TRAPPC10: variants seen among roughly 807,000 people sequenced by gnomAD.
TRAPPC10 encodes the protein TRAPP 130 kDa subunit.
TRAPPC10 carries 23 observed loss-of-function variants against 125.5 expected under a neutral mutation model. The ratio of observed to expected loss-of-function variants is 0.18; its 90% CI spans 0.13 to 0.26. The LOEUF is 0.26. Ranked by LOEUF, TRAPPC10 falls within the 10% of genes least tolerant of loss-of-function variation. The pLI is 1.00. For synonymous variants in TRAPPC10, 509 were observed against 518.0 expected, an observed-to-expected ratio of 0.98 and a Z score of 0.24; for missense variants, 1,123 against 1,308.4, an observed-to-expected ratio of 0.86 and a Z score of 2.19.
intron 2 of TRAPPC10, 45 bp downstream of exon 2, chr21:44,032,217 T>A: frequency 7.0e-7 from 1 of 1,430,568 alleles, no homozygotes; most frequent in Non-Finnish European, 9.8e-7. Context: ...CTTCATTTTT[T>A]AAAATGAAGT....
chr21:44,069,084 T>C (rs900040599), intron 7 of TRAPPC10, among the ~76,000 whole-genome samples: 2 of 152,138 alleles, frequency 1.3e-5, no homozygotes, highest in Non-Finnish European at 2.9e-5. Context: ...CTTGGGAAAA[T>C]GTCTTTGGGA....
At chr21:44,016,261 C>T (rs1225457086) in intron 1 of TRAPPC10, among the ~76,000 whole-genome samples, 1 of 152,170 alleles carries the variant, frequency 6.6e-6, no homozygotes, top group Non-Finnish European at 1.5e-5. Context: ...GGTCAGTTTT[C>T]TGTTTTGAAA....
In TRAPPC10 at chr21:44,083,161, C is replaced by G. The variant is rs1277873670; in HGVS notation, c.2097C>G (p.Val699=). 1.9e-6 allele frequency: 3 copies of G among 1,614,226 alleles called. No individual in the cohort carries two copies. The Admixed American group carries it at 5.0e-5, about 27-fold the overall frequency. The change falls in exon 14 of 23, where the codon GTC becomes GTG. Residue 699 remains valine, a synonymous_variant. Transcript: ENST00000291574. ...LNTTGIICRN[V]HMLLRRQESS... Reference sequence around the variant, plus strand: ...CGACTGGGATTATCTGCAGAAACGTCCACATGCTCCTGAGAAGGCAGGAGA... The same window carrying G: ...CGACTGGGATTATCTGCAGAAACGTGCACATGCTCCTGAGAAGGCAGGAGA...
chr21:44,032,031 G>T, intron 1 of TRAPPC10, 60 bp from the exon 2 acceptor site: 1 of 1,370,128 alleles, frequency 7.3e-7, no homozygotes, highest in East Asian at 2.3e-5. Flanking sequence ...AAGCTCTAGA[G>T]CCATTTTGCA....
chr21:44,086,046 A>C (rs954702144), intron 15 of TRAPPC10, among the ~76,000 whole-genome samples: 2 of 152,232 alleles, frequency 1.3e-5, no homozygotes, highest in Non-Finnish European at 2.9e-5. Flanking sequence ...CACAGCAGTC[A>C]GTCTCTCCAG....
chr21:44,072,697 C>T (rs2036969113), intron 7 of TRAPPC10, among the ~76,000 whole-genome samples: 1 of 152,210 alleles, frequency 6.6e-6, no homozygotes, highest in Non-Finnish European at 1.5e-5. Flanking sequence ...CTCCTGACCT[C>T]AGGTGATCTG....
At chr21:44,036,022 G>A (rs937674634) in intron 2 of TRAPPC10, among the ~76,000 whole-genome samples, 2 of 152,104 alleles carry the variant, frequency 1.3e-5, no homozygotes, top group African/African-American at 2.4e-5. Flanking sequence ...GATAAATCAC[G>A]GAGCTCCAGG....
At position 44,059,105 on chromosome 21, in the gene TRAPPC10, G is replaced by A. The variant is rs147095356; in HGVS notation, c.681G>A (p.Glu227=). ...AAAAACGTATCTTGGGCGAATAGGA[G>A]GAGCTTGCCTTTGTTTTCGAGATGC... ...WSFCEYFMVQ[E]ELAFVFEMLQ... Residue 227 remains glutamate, a splice_region_variant and synonymous_variant, in exon 6 of 23, where the codon GAG becomes GAA. Transcript: ENST00000291574. The surrounding 1 kb of genome is among the most constrained non-coding windows in gnomAD (Gnocchi z 4.4). 16 of 1,588,856 alleles carry A rather than the reference G, an allele frequency of 1.0e-5. No homozygotes were observed. The African/African-American group carries it at 2.2e-4, about 22-fold the overall frequency.
intron 1 of TRAPPC10, among the ~76,000 whole-genome samples, chr21:44,018,183 T>G (rs551133507): frequency 6.6e-6 from 1 of 152,170 alleles, no homozygotes; most frequent in African/African-American, 2.4e-5. Flanking sequence ...GATGAATCTC[T>G]GAAATAATCA....
chr21:44,059,278 G>T lies in TRAPPC10; in HGVS notation c.790+64G>T. 1 of 1,182,442 alleles carries T rather than the reference G, an allele frequency of 8.5e-7. No homozygotes were observed. Among genetic ancestry groups the T allele is most frequent in the South Asian group, 1.4e-5 (1 of 71,434 alleles). The allele number at this position is 1,182,442 out of a possible 1,614,324, so 73.2% of individuals were successfully genotyped here. A position where few individuals can be genotyped will look rare whatever the true frequency, so the allele number is the denominator to read the frequency against. On this transcript the variant is annotated intron_variant, in intron 6 of 22. Transcript: ENST00000291574. This position sits in a 1 kb window ranked among gnomAD's most constrained non-coding sequence, Gnocchi z 4.4. Reference sequence around the variant, plus strand: ...TGTGGCTTTCTCCAACTTCAGATAGGCTTGAAGCAGCCATTTATTTACCTC... The same window carrying T: ...TGTGGCTTTCTCCAACTTCAGATAGTCTTGAAGCAGCCATTTATTTACCTC...
chr21:44,037,805 G>A lies in TRAPPC10; in HGVS notation c.163G>A (p.Ala55Thr). ...PMEWRRSYGRAPKMIHLESNF... is the reference protein window; with the variant it reads ...PMEWRRSYGRTPKMIHLESNF... ...AATTGTTTACAGGTCCTATGGCCGG[G>A]CTCCGAAGATGATTCACCTAGAGTC... Residue 55 changes from alanine to threonine, a missense_variant, in exon 3 of 23, where the codon GCT becomes ACT. Coordinates refer to ENST00000291574, the MANE Select transcript of TRAPPC10 (RefSeq NM_003274.5). 2 of 1,613,636 alleles carry A rather than the reference G, an allele frequency of 1.2e-6. No individual in the cohort carries two copies. Among genetic ancestry groups the A allele is most frequent in the East Asian group, 2.2e-5 (1 of 44,886 alleles).
intron 1 of TRAPPC10, among the ~76,000 whole-genome samples, chr21:44,025,070 T>C (rs1272976622): frequency 6.6e-6 from 1 of 152,106 alleles, no homozygotes; most frequent in Non-Finnish European, 1.5e-5. Flanking sequence ...GGAATTTGAG[T>C]TGTTTTGTGT....
chr21:44,074,519 G>C (rs1380813289), intron 8 of TRAPPC10, 49 bp downstream of exon 8: 15 of 1,610,062 alleles, frequency 9.3e-6, no homozygotes, highest in Non-Finnish European at 8.5e-6. Context: ...CTGCGGCCAT[G>C]CCTGGGTGGC....
At chr21:44,019,156 A>G (rs1265875069) in intron 1 of TRAPPC10, among the ~76,000 whole-genome samples, 1 of 152,110 alleles carries the variant, frequency 6.6e-6, no homozygotes, top group African/African-American at 2.4e-5. Context: ...TCCTGGGGTC[A>G]GGTGATTCTC....
intron 18 of TRAPPC10, among the ~76,000 whole-genome samples, chr21:44,090,358 G>A (rs2038489123): frequency 6.6e-6 from 1 of 152,194 alleles, no homozygotes; most frequent in Non-Finnish European, 1.5e-5. Flanking sequence ...TAGAACAGGA[G>A]CTTTTAAGCT....
At chr21:44,076,785 C>G (rs532569441) in intron 10 of TRAPPC10, among the ~76,000 whole-genome samples, 157 bp downstream of exon 10, 1 of 152,152 alleles carries the variant, frequency 6.6e-6, no homozygotes, top group East Asian at 1.9e-4. Flanking sequence ...GTGGACAAAA[C>G]ATGGAGTAGT....
At chr21:44,023,991 G>T (rs1003285068) in intron 1 of TRAPPC10, among the ~76,000 whole-genome samples, 4 of 152,128 alleles carry the variant, frequency 2.6e-5, no homozygotes, top group Non-Finnish European at 4.4e-5. Flanking sequence ...TCACCGTGTT[G>T]GCCAAGCTGG....
intron 1 of TRAPPC10, among the ~76,000 whole-genome samples, chr21:44,018,507 T>A (rs2032123124): frequency 6.6e-6 from 1 of 152,112 alleles, no homozygotes; most frequent in Admixed American, 6.5e-5. Flanking sequence ...GAGACCACCC[T>A]GGCCAACATG....
At chr21:44,083,537 TAA>T (rs1260515561) in intron 14 of TRAPPC10, among the ~76,000 whole-genome samples, 9 of 152,234 alleles carry the variant, frequency 5.9e-5, no homozygotes, top group Non-Finnish European at 2.9e-5. Flanking sequence ...GTTCTTAGAT[TAA>T]GTTAGCTTTT....
Sources: gnomAD v4.1 joint callset for allele counts (sites outside exome capture counted in the v4.1 genomes callset) on GRCh38, gnomAD v4.1.1 for gene constraint, Gnocchi (gnomAD v3.1) non-coding constraint, MANE v1.5 for transcripts, NCBI Gene and HGNC (gene_info 2026-07-23, HGNC 2026-07-21) for gene names.